CFAP20DC: variants seen among roughly 807,000 people sequenced by gnomAD.
The protein encoded by CFAP20DC is CFAP20 domain containing.
Under a neutral mutation model 101.7 loss-of-function variants are expected in CFAP20DC, and 84 were observed. The observed-to-expected ratio is 0.83, with a 90% confidence interval of 0.69 to 0.99. The LOEUF is 0.99. CFAP20DC is among the 50% of genes least tolerant of loss of function. The probability of loss-of-function intolerance (pLI) is 0.00; values close to 1 mark genes in which losing one functional copy is unlikely to be tolerated. For synonymous variants in CFAP20DC, 359 were observed against 351.2 expected, an observed-to-expected ratio of 1.02 and a Z score of -0.25; for missense variants, 1,007 against 970.3, an observed-to-expected ratio of 1.04 and a Z score of -0.50.
In CFAP20DC at chr3:58,914,379, T is replaced by C. The variant is rs2084457160; in HGVS notation, c.394-515A>G. 6.6e-6 allele frequency among the ~76,000 whole-genome samples: 1 copy of C among 152,312 alleles called. No individual in the cohort carries two copies. Among genetic ancestry groups the C allele is most frequent in the East Asian group, 1.9e-4 (1 of 5,186 alleles). ...TACGGAAACAGATTCTTCTAAAGAA[T>C]TTGTAATTATGCTGGGTATTTGCCA... On this transcript the variant is annotated intron_variant, in intron 5 of 16. Coordinates refer to ENST00000482387, the MANE Select transcript of CFAP20DC (RefSeq NM_001394063.1). The surrounding 1 kb of genome is among the most constrained non-coding windows in gnomAD (Gnocchi z 4.9).
At chr3:58,756,828 T>C (rs1030623834) in intron 15 of CFAP20DC, among the ~76,000 whole-genome samples, 1 of 152,166 alleles carries the variant, frequency 6.6e-6, no homozygotes, top group African/African-American at 2.4e-5. Flanking sequence ...TACTCCTTTG[T>C]ACTTTTATCT....
Position 58,863,819 on chromosome 3 carries a change from A to C in CFAP20DC, c.1332T>G (p.Gly444=). 2 of 1,614,198 alleles carry C rather than the reference A, an allele frequency of 1.2e-6. No individual in the cohort carries two copies. Among genetic ancestry groups the C allele is most frequent in the Non-Finnish European group, 1.7e-6 (2 of 1,180,036 alleles). The change falls in exon 12 of 17, where the codon GGT becomes GGG. Residue 444 remains glycine, a synonymous_variant. Transcript: ENST00000482387. The surrounding 1 kb of genome is among the most constrained non-coding windows in gnomAD (Gnocchi z 5.9). Reference sequence around the variant, plus strand: ...GGTGTGATGGGTTGCAGGAGTCATCACCCAGAAGTAGAGACTGTCTGCTGG... The same window carrying C: ...GGTGTGATGGGTTGCAGGAGTCATCCCCCAGAAGTAGAGACTGTCTGCTGG... The part of the protein sequence containing the change: ...LASSRQSLLL[G]DDSCNPSHLW...
At chr3:58,746,160 G>A (rs1020691993) in intron 16 of CFAP20DC, among the ~76,000 whole-genome samples, 6 of 152,038 alleles carry the variant, frequency 3.9e-5, no homozygotes, top group South Asian at 2.1e-4. Context: ...AGAACATTAG[G>A]ATAAATTCAT....
intron 14 of CFAP20DC, among the ~76,000 whole-genome samples, chr3:58,830,623 G>A (rs752856583): frequency 7.9e-5 from 12 of 152,194 alleles, no homozygotes; most frequent in South Asian, 6.2e-4. Context: ...TAACTTATCC[G>A]CGTCAACTAT....
intron 15 of CFAP20DC, among the ~76,000 whole-genome samples, chr3:58,790,439 T>C (rs900369279): frequency 4.6e-5 from 7 of 152,194 alleles, no homozygotes; most frequent in Non-Finnish European, 1.0e-4. Context: ...AAAGTTGCCA[T>C]TTGGCCTGCC....
At chr3:58,893,745 G>C (rs1022734662) in intron 6 of CFAP20DC, among the ~76,000 whole-genome samples, 1 of 151,980 alleles carries the variant, frequency 6.6e-6, no homozygotes, top group South Asian at 2.1e-4. Context: ...GCAGAATCCA[G>C]GTGTGAATCC....
intron 4 of CFAP20DC, among the ~76,000 whole-genome samples, chr3:58,950,136 C>T (rs1177483124): frequency 1.2e-4 from 19 of 152,084 alleles, no homozygotes; most frequent in Non-Finnish European, 1.8e-4. Flanking sequence ...AACAGACAAA[C>T]GGAGAGCCAA....
At chr3:58,800,195 C>G (rs2073585334) in intron 15 of CFAP20DC, among the ~76,000 whole-genome samples, 1 of 152,208 alleles carries the variant, frequency 6.6e-6, no homozygotes, top group South Asian at 2.1e-4. Context: ...CTGTATACCA[C>G]TTGGTTGCTA....
At position 58,797,263 on chromosome 3, in the gene CFAP20DC, C is replaced by T. The variant is rs143730870; in HGVS notation, c.2237+9132G>A. Among the ~76,000 whole-genome samples the T allele has an allele frequency of 4.2e-4, 64 of 152,258 alleles. 1 individual carries two copies. The highest frequency in any genetic ancestry group is 2.7e-3 in the South Asian group (13 of 4,828). On this transcript the variant is annotated intron_variant, in intron 15 of 16. Coordinates refer to ENST00000482387, the MANE Select transcript of CFAP20DC (RefSeq NM_001394063.1). ...AAGATGGGAATGCAAAGGAAAAGTT[C>T]TCGAAGGAAATTCGAAGTACTTACT...
chr3:58,830,912 C>G (rs1480072260), intron 14 of CFAP20DC, among the ~76,000 whole-genome samples: 1 of 152,158 alleles, frequency 6.6e-6, no homozygotes, highest in East Asian at 1.9e-4. Context: ...CTGTACTGAA[C>G]TGTTCGACTG....
intron 4 of CFAP20DC, among the ~76,000 whole-genome samples, chr3:58,995,849 C>G (rs2093104326): frequency 6.6e-6 from 1 of 152,154 alleles, no homozygotes; most frequent in Admixed American, 6.5e-5. Flanking sequence ...ATTGGCTCTT[C>G]CAGTTGTCAG....
At chr3:59,046,087 G>A (rs1165008685) in intron 3 of CFAP20DC, 142 bp downstream of exon 3, 9 of 603,550 alleles carry the variant, frequency 1.5e-5, no homozygotes, top group Non-Finnish European at 2.6e-5. Flanking sequence ...ATAGTTAGTT[G>A]CCCTCTAAAT....
chr3:58,943,592 T>C lies in CFAP20DC; in HGVS notation c.279-5830A>G, dbSNP rs182917011. Among the ~76,000 whole-genome samples, 568 of 152,116 alleles carry C rather than the reference T, an allele frequency of 3.7e-3. 3 individuals carry two copies. The highest frequency in any genetic ancestry group is 6.1e-3 in the Non-Finnish European group (414 of 67,992). On this transcript the variant is annotated intron_variant, in intron 4 of 16. Coordinates refer to ENST00000482387, the MANE Select transcript of CFAP20DC (RefSeq NM_001394063.1). ...GGTCACTAACATCGAAGACCAAAGG[T>C]AGATAAATCCGCGAAGATGAGGAAA...
chr3:58,903,760 A>G (rs990285512), intron 6 of CFAP20DC, among the ~76,000 whole-genome samples: 9 of 152,158 alleles, frequency 5.9e-5, no homozygotes, highest in Non-Finnish European at 8.8e-5. Flanking sequence ...ACCACAACAC[A>G]TGGGGATTAC....
chr3:59,038,936 T>A (rs1257727599), intron 4 of CFAP20DC, among the ~76,000 whole-genome samples: 1 of 152,100 alleles, frequency 6.6e-6, no homozygotes, highest in African/African-American at 2.4e-5. Flanking sequence ...AATGGTTAAT[T>A]TAAAGTATAT....
At chr3:58,742,608 T>C (rs767036680) in intron 16 of CFAP20DC, 36 bp from the exon 17 acceptor site, 2 of 1,529,512 alleles carry the variant, frequency 1.3e-6, no homozygotes, top group Admixed American at 3.6e-5. Flanking sequence ...CATTAGCTGT[T>C]GGCTTGGCCC....
At chr3:58,824,121 C>T (rs868461259) in intron 14 of CFAP20DC, among the ~76,000 whole-genome samples, 16 of 152,118 alleles carry the variant, frequency 1.1e-4, no homozygotes, top group African/African-American at 3.6e-4. Context: ...TGTATAAGAA[C>T]ATCTGCTCAT....
chr3:58,878,933 G>C (rs771619291), intron 7 of CFAP20DC, among the ~76,000 whole-genome samples: 1 of 152,008 alleles, frequency 6.6e-6, no homozygotes, highest in African/African-American at 2.4e-5. Flanking sequence ...GCGTGAACCC[G>C]GGAGGCGGAG....
At chr3:58,786,340 G>C (rs1297479203) in intron 15 of CFAP20DC, among the ~76,000 whole-genome samples, 1 of 152,130 alleles carries the variant, frequency 6.6e-6, no homozygotes, top group East Asian at 1.9e-4. Flanking sequence ...CTCCCATGGA[G>C]CTTACAATCC....
Sources: gnomAD v4.1 joint callset for allele counts (sites outside exome capture counted in the v4.1 genomes callset) on GRCh38, gnomAD v4.1.1 for gene constraint, Gnocchi (gnomAD v3.1) non-coding constraint, MANE v1.5 for transcripts, NCBI Gene and HGNC (gene_info 2026-07-23, HGNC 2026-07-21) for gene names.